CABIN1: variants seen among roughly 807,000 people sequenced by gnomAD.
CABIN1 encodes calcineurin-binding protein cabin-1.
A neutral mutation model predicts 227.7 loss-of-function variants in CABIN1; 133 were observed. The observed-to-expected ratio is 0.58, with a 90% CI of 0.51 to 0.67. The LOEUF is 0.67. CABIN1 is among the 30% of genes least tolerant of loss of function. CABIN1 has a pLI of 0.00. For synonymous variants in CABIN1, 1,086 were observed against 1,155.1 expected, an observed-to-expected ratio of 0.94 and a Z score of 1.21; for missense variants, 2,408 against 2,852.5, an observed-to-expected ratio of 0.84 and a Z score of 3.55.
chr22:24,178,110 C>G lies in CABIN1; in HGVS notation c.6577C>G (p.Pro2193Ala), dbSNP rs776143087. 7 of 1,613,758 alleles carry G rather than the reference C, an allele frequency of 4.3e-6. No homozygotes were observed. The highest frequency in any genetic ancestry group is 5.9e-6 in the Non-Finnish European group (7 of 1,179,984). The part of the protein sequence containing the change: ...ANVRKESLCQ[P>A]ALEVLETSSQ... ...CGTGAGGAAGGAGAGCCTATGCCAGCCAGCCCTGGAGGTCCTGGAGACATC... is the reference window on the plus strand; with the variant it reads ...CGTGAGGAAGGAGAGCCTATGCCAGGCAGCCCTGGAGGTCCTGGAGACATC... Residue 2193 changes from proline to alanine, a missense_variant, in exon 37 of 37, where the codon CCA becomes GCA. Coordinates refer to ENST00000263119, the MANE Select transcript of CABIN1 (RefSeq NM_012295.4).
intron 34 of CABIN1, among the ~76,000 whole-genome samples, chr22:24,173,623 C>T (rs2046954674): frequency 6.6e-6 from 1 of 152,288 alleles, no homozygotes; most frequent in East Asian, 1.9e-4. Context: ...ATCACGAGGT[C>T]AAGAGATGGA....
intron 29 of CABIN1, among the ~76,000 whole-genome samples, chr22:24,160,049 G>A (rs1569300125): frequency 6.6e-6 from 1 of 152,196 alleles, no homozygotes; most frequent in Non-Finnish European, 1.5e-5. Flanking sequence ...AGAGACTTGA[G>A]GTGGGCGAGT....
In CABIN1 at chr22:24,027,897, A is replaced by G. The variant is rs564686237; in HGVS notation, c.-74-7547A>G. 7.1e-4 allele frequency among the ~76,000 whole-genome samples: 108 copies of G among 151,068 alleles called. 2 individuals are homozygous for G. In the South Asian group the frequency reaches 0.022, roughly 30 times the overall value. On this transcript the variant is annotated intron_variant, in intron 1 of 36. Coordinates refer to ENST00000263119, the MANE Select transcript of CABIN1 (RefSeq NM_012295.4). ...TTATAGCAGCACCAAATTGACTAAG[A>G]TACAGATTGAGGAGGTCTCTTCCAC... is the stretch of plus-strand genomic sequence containing the variant.
intron 33 of CABIN1, 98 bp from the exon 34 acceptor site, chr22:24,171,615 G>A: frequency 7.0e-7 from 1 of 1,428,584 alleles, no homozygotes; most frequent in Non-Finnish European, 9.8e-7. Flanking sequence ...CAGGCGCACA[G>A]GATGTCCTGT....
chr22:24,175,931 G>A lies in CABIN1; in HGVS notation c.6041-180G>A, dbSNP rs949593739. On this transcript the variant is annotated intron_variant, in intron 34 of 36. Coordinates refer to ENST00000263119, the MANE Select transcript of CABIN1 (RefSeq NM_012295.4). ...CCAGCCCCTACCAGTGTCCTCTTGG[G>A]TGGTGAGTGGTTTCTTGGCAGCACC... The A allele has an allele frequency of 7.0e-6, 5 of 718,528 alleles. No individual in the cohort carries two copies. The African/African-American group carries it at 8.7e-5, about 12-fold the overall frequency. The allele number at this position is 718,528 out of a possible 1,614,324, so 44.5% of individuals were successfully genotyped here.
chr22:24,071,969 C>G (rs1289657897), intron 17 of CABIN1, among the ~76,000 whole-genome samples: 1 of 152,216 alleles, frequency 6.6e-6, no homozygotes, highest in Non-Finnish European at 1.5e-5. Flanking sequence ...CCCACCCCTC[C>G]TCTGTGAGCC....
At chr22:24,038,197 C>T (rs1414302195) in intron 3 of CABIN1, 151 bp from the exon 4 acceptor site, 3 of 664,200 alleles carry the variant, frequency 4.5e-6, no homozygotes, top group East Asian at 2.9e-5. Flanking sequence ...CTCTTCCCTT[C>T]CTGGAAGTTG....
At chr22:24,168,332 G>A in intron 32 of CABIN1, 115 bp from the exon 33 acceptor site, 7 of 1,020,410 alleles carry the variant, frequency 6.9e-6, no homozygotes, top group Admixed American at 2.0e-5. Flanking sequence ...GGGGGCACCC[G>A]AGCCACAGGG....
chr22:24,019,097 A>G (rs2035508971), intron 1 of CABIN1, among the ~76,000 whole-genome samples: 1 of 104,294 alleles, frequency 9.6e-6, no homozygotes, highest in Admixed American at 9.5e-5. Flanking sequence ...TTAATCTTAT[A>G]TTGTGCAACT....
chr22:24,148,369 C>G (rs866745614), intron 29 of CABIN1, among the ~76,000 whole-genome samples: 1 of 152,346 alleles, frequency 6.6e-6, no homozygotes, highest in African/African-American at 2.4e-5. Flanking sequence ...TTTTGAGCCC[C>G]AGAGTTAAAG....
intron 28 of CABIN1, among the ~76,000 whole-genome samples, chr22:24,132,893 G>A (rs2044158969): frequency 6.6e-6 from 1 of 152,080 alleles, no homozygotes; most frequent in African/African-American, 2.4e-5. Flanking sequence ...CAGCTGCTGG[G>A]GACACTTGAA....
chr22:24,109,891 C>A (rs956858533), intron 26 of CABIN1, among the ~76,000 whole-genome samples: 1 of 152,176 alleles, frequency 6.6e-6, no homozygotes, highest in Non-Finnish European at 1.5e-5. Flanking sequence ...AGTTCTCAGC[C>A]GGGCGTGGTG....
intron 29 of CABIN1, chr22:24,155,717 A>G: frequency 3.3e-6 from 1 of 303,830 alleles, no homozygotes. Flanking sequence ...CACCGCCTGC[A>G]GAGGGGGGAT....
intron 4 of CABIN1, among the ~76,000 whole-genome samples, chr22:24,039,832 A>G (rs1232967191): frequency 6.6e-6 from 1 of 152,254 alleles, no homozygotes; most frequent in African/African-American, 2.4e-5. Flanking sequence ...GTTTCTTTTT[A>G]CACTCATATT....
chr22:24,056,504 A>G, intron 10 of CABIN1, 144 bp downstream of exon 10: 1 of 807,118 alleles, frequency 1.2e-6, no homozygotes, highest in East Asian at 2.6e-5. Flanking sequence ...TGTCTGAAGC[A>G]CAAATCTCAC....
intron 8 of CABIN1, among the ~76,000 whole-genome samples, chr22:24,053,367 C>T (rs367721649): frequency 3.3e-5 from 5 of 150,224 alleles, no homozygotes; most frequent in African/African-American, 7.4e-5. Flanking sequence ...TGAGCCACCG[C>T]ACCCAGCCAG....
At chr22:24,051,984 A>T (rs986111432) in intron 8 of CABIN1, among the ~76,000 whole-genome samples, 3 of 151,682 alleles carry the variant, frequency 2.0e-5, no homozygotes, top group African/African-American at 7.3e-5. Context: ...AGGCTGCTCT[A>T]GGACTCCTGT....
chr22:24,041,049 G>A, intron 4 of CABIN1, 90 bp from the exon 5 acceptor site: 1 of 1,525,596 alleles, frequency 6.6e-7, no homozygotes, highest in Non-Finnish European at 9.1e-7. Context: ...AGGGCCTGCA[G>A]CAGAGGCCAG....
intron 3 of CABIN1, among the ~76,000 whole-genome samples, 173 bp downstream of exon 3, chr22:24,036,354 A>T (rs779270675): frequency 6.6e-6 from 1 of 152,194 alleles, no homozygotes; most frequent in African/African-American, 2.4e-5. Flanking sequence ...AGACGATCAT[A>T]TAGAGGAGAA....
Sources: allele counts gnomAD v4.1 joint callset (sites outside exome capture counted in the v4.1 genomes callset), GRCh38; gene constraint gnomAD v4.1.1; transcripts MANE v1.5; gene names NCBI Gene and HGNC (gene_info 2026-07-23, HGNC 2026-07-21).